The following EYA2 variants were observed in gnomAD, a reference collection of about 807,000 sequenced individuals.
EYA2 encodes the protein EYA transcriptional coactivator and phosphatase 2, also known as protein phosphatase EYA2.
EYA2 carries 31 observed loss-of-function variants against 69.2 expected under a neutral mutation model. The ratio of observed to expected loss-of-function variants is 0.45; its 90% CI spans 0.34 to 0.60. The LOEUF (loss-of-function observed/expected upper bound fraction) is 0.60, where lower values mean the gene tolerates loss of function less well. Ranked by LOEUF, EYA2 falls within the 20% of genes least tolerant of loss-of-function variation. The probability of loss-of-function intolerance (pLI) is 0.02; values close to 1 mark genes in which losing one functional copy is unlikely to be tolerated. For synonymous variants in EYA2, 257 were observed against 279.4 expected, an observed-to-expected ratio of 0.92 and a Z score of 0.80; for missense variants, 622 against 701.2, an observed-to-expected ratio of 0.89 and a Z score of 1.28.
At chr20:47,030,780 C>T (rs949293415) in intron 5 of EYA2, among the ~76,000 whole-genome samples, 2 of 152,084 alleles carry the variant, frequency 1.3e-5, no homozygotes, top group Non-Finnish European at 2.9e-5. Flanking sequence ...TTTTGAAAGA[C>T]AGGGTCTTGC....
At chr20:47,037,938 A>AC (rs1178050101) in intron 5 of EYA2, among the ~76,000 whole-genome samples, 2 of 152,010 alleles carry the variant, frequency 1.3e-5, no homozygotes. Flanking sequence ...TGTTCTCTCT[A>AC]CCACACGTGT....
At chr20:47,115,748 G>T (rs962391990) in intron 9 of EYA2, among the ~76,000 whole-genome samples, 10 of 152,162 alleles carry the variant, frequency 6.6e-5, no homozygotes, top group African/African-American at 2.2e-4. Context: ...ATGGGATTGT[G>T]CCACCTTCTC....
chr20:46,978,518 G>GGCCA (rs1397032840), intron 1 of EYA2: 2 of 530,574 alleles, frequency 3.8e-6, no homozygotes, highest in Non-Finnish European at 7.8e-6. Context: ...GCGAGAGAAA[G>GGCCA]GCCAGCGTGC....
rs117940939 is a variant in EYA2 at position 47,130,067 on chromosome 20, T to G, written c.889-12992T>G. Among the ~76,000 whole-genome samples the G allele has an allele frequency of 6.8e-3, 956 of 141,428 alleles. 4 individuals are homozygous for G. The highest frequency in any genetic ancestry group is 0.01 in the Non-Finnish European group (693 of 66,302). 92.8% of individuals were successfully genotyped at this position (141,428 alleles called of 152,430 possible). A position where few individuals can be genotyped will look rare whatever the true frequency, so the allele number is the denominator to read the frequency against. On this transcript the variant is annotated intron_variant, in intron 9 of 15. Coordinates refer to ENST00000327619, the MANE Select transcript of EYA2 (RefSeq NM_005244.5). Reference sequence around the variant, plus strand: ...CAAATGAGGATGGCTAGCATCAGGGTCTGAGTCACTGCCTTAGCTGCCAGT... The same window carrying G: ...CAAATGAGGATGGCTAGCATCAGGGGCTGAGTCACTGCCTTAGCTGCCAGT...
intron 1 of EYA2, among the ~76,000 whole-genome samples, chr20:46,973,867 AT>A (rs1980291899): frequency 6.6e-6 from 1 of 152,052 alleles, no homozygotes. Flanking sequence ...GAATAAAAAC[AT>A]TTTTAAAAAA....
intron 9 of EYA2, among the ~76,000 whole-genome samples, chr20:47,115,321 T>G (rs1408076085): frequency 6.6e-6 from 1 of 152,206 alleles, no homozygotes; most frequent in South Asian, 2.1e-4. Flanking sequence ...TCCCTGGCCA[T>G]ACAGGTGCCT....
At chr20:47,119,359 G>C (rs527533972) in intron 9 of EYA2, among the ~76,000 whole-genome samples, 2 of 152,182 alleles carry the variant, frequency 1.3e-5, no homozygotes, top group Non-Finnish European at 2.9e-5. Context: ...ATGGCAGATG[G>C]GGAAAAGCTC....
intron 1 of EYA2, among the ~76,000 whole-genome samples, chr20:46,897,207 C>T (rs6063032): frequency 6.6e-6 from 1 of 152,238 alleles, no homozygotes; most frequent in Admixed American, 6.5e-5. Context: ...GATTGCAAAC[C>T]TTGTTCCAGA....
chr20:47,157,378 AAAG>A lies in EYA2; in HGVS notation c.979-11759_979-11757del, dbSNP rs1245611365. Among the ~76,000 whole-genome samples, 126 of 145,110 alleles carry A rather than the reference AAAG, an allele frequency of 8.7e-4. 1 individual carries two copies. The highest frequency in any genetic ancestry group is 3.1e-3 in the African/African-American group (117 of 38,104). On this transcript the variant is annotated intron_variant, in intron 10 of 15. Transcript: ENST00000327619. ...CAAAAAAAAAAAAAAAAAAAAAAAA[AAAG>A]AGTACTAAGTATCATACCTGTGGGA...
At chr20:46,967,397 T>TTGTTAATTTATTTGTATAA (rs1979856918) in intron 1 of EYA2, among the ~76,000 whole-genome samples, 1 of 152,236 alleles carries the variant, frequency 6.6e-6, no homozygotes, top group East Asian at 1.9e-4. Context: ...TACAATTAAA[T>TTGTTAATTTATTTGTATAA]ACTCAGCTGT....
rs985394264 is a variant in EYA2, at chr20:47,030,046, C to T, written c.415+13749C>T. Among the ~76,000 whole-genome samples, 10 of 152,270 alleles carry T rather than the reference C, an allele frequency of 6.6e-5. No individual in the cohort carries two copies. The East Asian group carries it at 1.5e-3, about 23-fold the overall frequency. ...AGATTGAAAACAGCCATAGTCAATA[C>T]GACAACGAATGGGCAAGGCTGTCTT... On this transcript the variant is annotated intron_variant, in intron 5 of 15. Coordinates refer to ENST00000327619, the MANE Select transcript of EYA2 (RefSeq NM_005244.5).
intron 1 of EYA2, among the ~76,000 whole-genome samples, chr20:46,917,482 T>G (rs1041115291): frequency 3.9e-5 from 6 of 152,180 alleles, no homozygotes; most frequent in Non-Finnish European, 8.8e-5. Flanking sequence ...GGGACTCAGG[T>G]CAGACAGACT....
At chr20:46,914,397 A>G (rs6122535) in intron 1 of EYA2, among the ~76,000 whole-genome samples, 25,096 of 152,144 alleles carry the variant, frequency 0.16, 3,185 homozygotes, top group East Asian at 0.49. Flanking sequence ...GTATTACTCC[A>G]TTCTCACACT....
rs137986230 is a variant in EYA2 at position 46,896,422 on chromosome 20, C to T, written c.-11+1435C>T. 6.0e-5 allele frequency among the ~76,000 whole-genome samples: 9 copies of T among 150,950 alleles called. No homozygotes were observed. In the East Asian group the frequency reaches 1.8e-3, roughly 29 times the overall value. Reference sequence around the variant, plus strand: ...CTGCTTACAAAAAAAAAAAGAGGTACACAAAGAAAGAGTGGGAGGAGAGAA... The same window carrying T: ...CTGCTTACAAAAAAAAAAAGAGGTATACAAAGAAAGAGTGGGAGGAGAGAA... On this transcript the variant is annotated intron_variant, in intron 1 of 15. Transcript: ENST00000327619.
intron 12 of EYA2, among the ~76,000 whole-genome samples, chr20:47,179,485 G>T (rs1600775592): frequency 1.3e-5 from 2 of 151,518 alleles, no homozygotes; most frequent in South Asian, 4.2e-4. Context: ...ATGGATGGGT[G>T]GATGGATGGA....
At chr20:47,114,200 C>A (rs908180559) in intron 9 of EYA2, among the ~76,000 whole-genome samples, 2 of 152,148 alleles carry the variant, frequency 1.3e-5, no homozygotes, top group African/African-American at 4.8e-5. Flanking sequence ...AGATGAGAAC[C>A]CTGAGGCTCA....
At chr20:47,146,156 A>G (rs1201559769) in intron 10 of EYA2, among the ~76,000 whole-genome samples, 1 of 152,164 alleles carries the variant, frequency 6.6e-6, no homozygotes, top group Non-Finnish European at 1.5e-5. Context: ...GCAAAACAGA[A>G]GAGGTGTTTG....
At chr20:46,989,944 C>T in intron 1 of EYA2, 57 bp from the exon 2 acceptor site, 1 of 853,380 alleles carries the variant, frequency 1.2e-6, no homozygotes, top group Non-Finnish European at 2.0e-6. Flanking sequence ...AAATAGGAAT[C>T]ATTAGCAAGC....
intron 3 of EYA2, among the ~76,000 whole-genome samples, chr20:47,004,020 C>G (rs1009387910): frequency 6.6e-6 from 1 of 152,198 alleles, no homozygotes; most frequent in South Asian, 2.1e-4. Flanking sequence ...AAACACAATG[C>G]TTGGCAGCAC....
Sources: allele counts gnomAD v4.1 joint callset (sites outside exome capture counted in the v4.1 genomes callset), GRCh38; gene constraint gnomAD v4.1.1; transcripts MANE v1.5; gene names NCBI Gene and HGNC (gene_info 2026-07-23, HGNC 2026-07-21).